IFT88: variants seen among roughly 807,000 people sequenced by gnomAD.
IFT88 encodes intraflagellar transport 88, also known as intraflagellar transport protein 88 homolog.
In IFT88, 74 loss-of-function variants were observed where a neutral mutation model predicts 119.5. That is an observed-to-expected ratio of 0.62 (90% CI 0.51 to 0.75). IFT88 has a LOEUF of 0.75. Among genes scored for constraint, IFT88 ranks in the 30% least tolerant of loss-of-function variants. IFT88 has a pLI of 0.00. For synonymous variants in IFT88, 279 were observed against 316.7 expected (o/e 0.88, Z 1.26); for missense variants, 961 against 977.7 (o/e 0.98, Z 0.23).
intron 23 of IFT88, among the ~76,000 whole-genome samples, chr13:20,669,825 A>G (rs566037952): frequency 6.6e-6 from 1 of 152,304 alleles, no homozygotes; most frequent in African/African-American, 2.4e-5. Flanking sequence ...GGATGTTTAA[A>G]TTCTTACTTT....
At chr13:20,611,947 A>G (rs1484755494) in intron 13 of IFT88, among the ~76,000 whole-genome samples, 2 of 151,218 alleles carry the variant, frequency 1.3e-5, no homozygotes, top group Non-Finnish European at 1.5e-5. Context: ...GGAAGATTCT[A>G]TCTTTGGCAG....
chr13:20,679,017 G>T (rs1417130969), intron 24 of IFT88, among the ~76,000 whole-genome samples: 1 of 152,204 alleles, frequency 6.6e-6, no homozygotes, highest in Non-Finnish European at 1.5e-5. Context: ...AGATGTGCCT[G>T]AGAGGCTTGA....
chr13:20,682,253 G>A (rs1450957847), intron 24 of IFT88, among the ~76,000 whole-genome samples: 2 of 152,150 alleles, frequency 1.3e-5, no homozygotes, highest in Non-Finnish European at 2.9e-5. Context: ...TCCTGCTCTT[G>A]GACAATAACA....
intron 14 of IFT88, among the ~76,000 whole-genome samples, chr13:20,619,899 T>G (rs2046221323): frequency 6.6e-6 from 1 of 152,346 alleles, no homozygotes; most frequent in African/African-American, 2.4e-5. Context: ...ATTTTTTCAT[T>G]TTAGCCAGCC....
rs1312281687 is a variant in IFT88 at position 20,674,720 on chromosome 13, ATATATTTTTTT to A, written c.2242+3683_2242+3693del. Among the ~76,000 whole-genome samples the A allele has an allele frequency of 1.1e-3, 30 of 28,430 alleles. No individual in the cohort carries two copies. In the South Asian group the frequency reaches 0.017, roughly 16 times the overall value. 18.7% of individuals were successfully genotyped at this position (28,430 alleles called of 152,430 possible). On this transcript the variant is annotated intron_variant, in intron 24 of 25. Coordinates refer to ENST00000351808, the MANE Select transcript of IFT88 (RefSeq NM_006531.5). ...TGAAGTTTTATATATATATATATATATATATTTTTTTTTTTTTTTTTTTTTGAGACAGAGTC... is the reference window on the plus strand; with the variant it reads ...TGAAGTTTTATATATATATATATATATTTTTTTTTTTTTTGAGACAGAGTC...
At chr13:20,656,302 ATT>A (rs2140624011) in intron 21 of IFT88, 61 bp from the exon 22 acceptor site, 1 of 687,492 alleles carries the variant, frequency 1.5e-6, no homozygotes, top group African/African-American at 1.9e-5. Flanking sequence ...TAAAATTAAT[ATT>A]TTTCTGAATC....
intron 13 of IFT88, among the ~76,000 whole-genome samples, chr13:20,610,828 A>T (rs1002174124): frequency 3.3e-5 from 5 of 152,202 alleles, no homozygotes; most frequent in African/African-American, 4.8e-5. Flanking sequence ...CTGGTTTAAC[A>T]TGTAAAAATC....
intron 14 of IFT88, among the ~76,000 whole-genome samples, chr13:20,623,209 A>G (rs938414921): frequency 4.6e-5 from 7 of 152,140 alleles, no homozygotes; most frequent in African/African-American, 1.4e-4. Context: ...TGTTTTGATT[A>G]CTGTAGCTTT....
intron 2 of IFT88, among the ~76,000 whole-genome samples, chr13:20,577,122 G>T (rs2037542242): frequency 6.6e-6 from 1 of 152,060 alleles, no homozygotes; most frequent in Admixed American, 6.5e-5. Context: ...TTTATTCGTA[G>T]ATATTCTAAA....
At chr13:20,660,837 G>A (rs2053662890) in intron 22 of IFT88, among the ~76,000 whole-genome samples, 1 of 152,158 alleles carries the variant, frequency 6.6e-6, no homozygotes, top group Non-Finnish European at 1.5e-5. Flanking sequence ...CCTTTTCGAT[G>A]TCCAAGAGGA....
intron 1 of IFT88, chr13:20,567,891 C>G: frequency 1.6e-6 from 1 of 623,706 alleles, no homozygotes; most frequent in South Asian, 2.5e-5. Flanking sequence ...CGAGAAACTG[C>G]AGTAGGCTTC....
chr13:20,574,322 AAAT>A, intron 1 of IFT88, 55 bp from the exon 2 acceptor site: 1 of 944,168 alleles, frequency 1.1e-6, no homozygotes, highest in Non-Finnish European at 1.6e-6. Flanking sequence ...ATATCTCAAA[AAAT>A]ATATATATAT....
Position 20,598,650 on chromosome 13 carries a change from G to T in IFT88, c.595-1G>T. On this transcript the variant is annotated splice_acceptor_variant, in intron 9 of 25. Transcript: ENST00000351808. LOFTEE classifies it high-confidence loss of function. Reference sequence around the variant, plus strand: ...CTTTTCTATAATATTTTCTTCCTTAGGTTCTTTTCAATTTGGCCAGTCAGT... The same window carrying T: ...CTTTTCTATAATATTTTCTTCCTTATGTTCTTTTCAATTTGGCCAGTCAGT... The T allele has an allele frequency of 6.3e-7, 1 of 1,592,762 alleles. No homozygotes were observed. The highest frequency in any genetic ancestry group is 1.1e-5 in the South Asian group (1 of 90,472).
intron 7 of IFT88, among the ~76,000 whole-genome samples, chr13:20,595,433 G>C (rs749689009): frequency 3.9e-5 from 6 of 151,946 alleles, no homozygotes; most frequent in Non-Finnish European, 5.9e-5. Flanking sequence ...GGGATTATAG[G>C]TGCCTGCCCC....
chr13:20,596,070 T>TAAAAC lies in IFT88; in HGVS notation c.399-76_399-75insCAAAA, dbSNP rs2041590530. 2.0e-5 allele frequency: 7 copies of TAAAAC among 357,922 alleles called. No individual in the cohort carries two copies. The South Asian group carries it at 5.8e-4, about 29-fold the overall frequency. 22.2% of individuals were successfully genotyped at this position (357,922 alleles called of 1,614,324 possible). A position where few individuals can be genotyped will look rare whatever the true frequency, so the allele number is the denominator to read the frequency against. On this transcript the variant is annotated intron_variant, in intron 7 of 25. Coordinates refer to ENST00000351808, the MANE Select transcript of IFT88 (RefSeq NM_006531.5). ...ACCTTGTCTGTAAAATAAAATAAAA[T>TAAAAC]AAAATAAAATAAAATAAATTTTAGT...
At chr13:20,652,846 G>A (rs1185169924) in intron 20 of IFT88, among the ~76,000 whole-genome samples, 1 of 152,154 alleles carries the variant, frequency 6.6e-6, no homozygotes, top group African/African-American at 2.4e-5. Flanking sequence ...GAGTAAAGAG[G>A]TTGGAATGCG....
chr13:20,606,540 T>TA (rs1384911302), intron 13 of IFT88, among the ~76,000 whole-genome samples: 1 of 152,078 alleles, frequency 6.6e-6, no homozygotes, highest in Non-Finnish European at 1.5e-5. Flanking sequence ...AAACGATACT[T>TA]AAAATCCAGG....
chr13:20,574,062 C>G (rs59495184), intron 1 of IFT88, among the ~76,000 whole-genome samples: 1 of 152,182 alleles, frequency 6.6e-6, no homozygotes, highest in Non-Finnish European at 1.5e-5. Context: ...CGTGGTGGCT[C>G]ATGCTGGTAA....
intron 24 of IFT88, among the ~76,000 whole-genome samples, chr13:20,672,811 A>G (rs977841693): frequency 6.6e-6 from 1 of 152,240 alleles, no homozygotes; most frequent in African/African-American, 2.4e-5. Flanking sequence ...TCTATACCCA[A>G]GAAGTTTATA....
Sources: allele counts gnomAD v4.1 joint callset (sites outside exome capture counted in the v4.1 genomes callset), GRCh38; gene constraint gnomAD v4.1.1; transcripts MANE v1.5; gene names NCBI Gene and HGNC (gene_info 2026-07-23, HGNC 2026-07-21).